The following ST6GALNAC3 variants were observed in gnomAD, a reference collection of about 807,000 sequenced individuals.
ST6GALNAC3 encodes alpha-N-acetylgalactosaminide alpha-2,6-sialyltransferase 3.
A neutral mutation model predicts 32.7 loss-of-function variants in ST6GALNAC3; 25 were observed. The observed-to-expected ratio is 0.76, with a 90% CI of 0.56 to 1.07. The LOEUF is 1.07. ST6GALNAC3 is among the 50% of genes least tolerant of loss of function. ST6GALNAC3 has a pLI of 0.00. For synonymous variants in ST6GALNAC3, 129 were observed against 133.1 expected (o/e 0.97, Z 0.21); for missense variants, 355 against 382.4 (o/e 0.93, Z 0.60).
intron 1 of ST6GALNAC3, among the ~76,000 whole-genome samples, chr1:76,163,106 T>C (rs1251828696): frequency 6.6e-6 from 1 of 152,238 alleles, no homozygotes; most frequent in Non-Finnish European, 1.5e-5. Flanking sequence ...TAAGTCTTTT[T>C]CTCTTTTTAA....
At position 76,201,954 on chromosome 1, in the gene ST6GALNAC3, A is replaced by G. The variant is rs568528805; in HGVS notation, c.19-111851A>G. Reference sequence around the variant, plus strand: ...GCAGATGCATTAGTAAAATTTAACTATCGTAAAGCCTCTGGGAGCATTGAC... The same window carrying G: ...GCAGATGCATTAGTAAAATTTAACTGTCGTAAAGCCTCTGGGAGCATTGAC... On this transcript the variant is annotated intron_variant, in intron 1 of 4. Coordinates refer to ENST00000328299, the MANE Select transcript of ST6GALNAC3 (RefSeq NM_152996.4). Among the ~76,000 whole-genome samples, 37 of 152,274 alleles carry G rather than the reference A, an allele frequency of 2.4e-4. No individual in the cohort carries two copies. In the South Asian group the frequency reaches 7.3e-3, roughly 30 times the overall value.
chr1:76,157,125 A>G (rs568643789), intron 1 of ST6GALNAC3, among the ~76,000 whole-genome samples: 1 of 150,508 alleles, frequency 6.6e-6, no homozygotes, highest in South Asian at 2.1e-4. Flanking sequence ...ATAAGCTCTC[A>G]GCTGACAGCA....
chr1:76,143,421 G>GTGTGTC (rs924959956), intron 1 of ST6GALNAC3, among the ~76,000 whole-genome samples: 1 of 151,784 alleles, frequency 6.6e-6, no homozygotes, highest in Non-Finnish European at 1.5e-5. Context: ...GTGTGTGTGT[G>GTGTGTC]TGTCCGTCTG....
At chr1:76,304,069 CAT>C (rs1351613654) in intron 1 of ST6GALNAC3, among the ~76,000 whole-genome samples, 4 of 151,852 alleles carry the variant, frequency 2.6e-5, no homozygotes, top group African/African-American at 7.2e-5. Flanking sequence ...TATGAAAAAA[CAT>C]ATTTTTATAA....
intron 1 of ST6GALNAC3, among the ~76,000 whole-genome samples, chr1:76,210,402 T>C (rs1655084206): frequency 1.3e-5 from 2 of 152,216 alleles, no homozygotes; most frequent in Admixed American, 1.3e-4. Context: ...AGCAGGTGTT[T>C]CCTGTGGTTG....
chr1:76,612,738 A>G (rs1408643830), intron 3 of ST6GALNAC3, among the ~76,000 whole-genome samples: 2 of 152,224 alleles, frequency 1.3e-5, no homozygotes, highest in Admixed American at 1.3e-4. Context: ...TATTAACAGC[A>G]TGCTAGTTTT....
chr1:76,085,348 G>T (rs557674471), intron 1 of ST6GALNAC3, among the ~76,000 whole-genome samples: 1 of 152,300 alleles, frequency 6.6e-6, no homozygotes, highest in Admixed American at 6.5e-5. Context: ...AGTTCTTTCA[G>T]TGGACTTTAA....
At chr1:76,240,618 G>A (rs1656906888) in intron 1 of ST6GALNAC3, among the ~76,000 whole-genome samples, 1 of 152,176 alleles carries the variant, frequency 6.6e-6, no homozygotes, top group South Asian at 2.1e-4. Context: ...ACCTGGGATG[G>A]GGATGCCCGG....
intron 1 of ST6GALNAC3, among the ~76,000 whole-genome samples, chr1:76,258,257 A>G (rs1238792426): frequency 6.6e-6 from 1 of 152,166 alleles, no homozygotes; most frequent in Non-Finnish European, 1.5e-5. Context: ...ATTTTTTTGA[A>G]GAAGACGTTC....
At chr1:76,100,173 A>G (rs1017898861) in intron 1 of ST6GALNAC3, among the ~76,000 whole-genome samples, 5 of 152,148 alleles carry the variant, frequency 3.3e-5, no homozygotes, top group African/African-American at 1.2e-4. Context: ...ATCCACAATC[A>G]TATCATTTGC....
At chr1:76,502,383 G>T (rs547691285) in intron 3 of ST6GALNAC3, among the ~76,000 whole-genome samples, 1 of 152,212 alleles carries the variant, frequency 6.6e-6, no homozygotes, top group South Asian at 2.1e-4. Flanking sequence ...CCACAAACTG[G>T]GTGCCTGAAA....
chr1:76,363,026 G>T (rs207460232), intron 2 of ST6GALNAC3, among the ~76,000 whole-genome samples: 4 of 152,340 alleles, frequency 2.6e-5, no homozygotes, highest in East Asian at 1.9e-4. Context: ...CCCTGGTAAA[G>T]GTTCTCCATG....
At position 76,302,625 on chromosome 1, in the gene ST6GALNAC3, A is replaced by AGAG. The variant is rs533595199; in HGVS notation, c.19-11180_19-11179insGAG. On this transcript the variant is annotated intron_variant, in intron 1 of 4. Transcript: ENST00000328299. ...AACATTTACTTAGCACTTTCCTTTT[A>AGAG]CCAGGCAGTGCTCTAAGGGCTTTTT... Among the ~76,000 whole-genome samples, 5 of 152,028 alleles carry AGAG rather than the reference A, an allele frequency of 3.3e-5. No homozygotes were observed. In the South Asian group the frequency reaches 1.0e-3, roughly 32 times the overall value.
At chr1:76,191,249 A>G (rs1035243747) in intron 1 of ST6GALNAC3, among the ~76,000 whole-genome samples, 13 of 152,248 alleles carry the variant, frequency 8.5e-5, no homozygotes, top group African/African-American at 3.1e-4. Context: ...TGAAGTAACC[A>G]GACACCAAAA....
chr1:76,311,656 A>G (rs952173198), intron 1 of ST6GALNAC3, among the ~76,000 whole-genome samples: 1 of 152,126 alleles, frequency 6.6e-6, no homozygotes, highest in African/African-American at 2.4e-5. Context: ...TGTATGTGCC[A>G]CATTTTCTTT....
intron 3 of ST6GALNAC3, among the ~76,000 whole-genome samples, chr1:76,499,941 T>C (rs1038274625): frequency 2.6e-5 from 4 of 152,124 alleles, no homozygotes; most frequent in Non-Finnish European, 4.4e-5. Flanking sequence ...ACTGGAATAC[T>C]ATGCGATCCT....
intron 2 of ST6GALNAC3, among the ~76,000 whole-genome samples, chr1:76,364,767 A>G (rs943083266): frequency 1.3e-5 from 2 of 152,174 alleles, no homozygotes; most frequent in African/African-American, 4.8e-5. Context: ...AATGTAAACT[A>G]AAACCACAAT....
chr1:76,101,545 A>G (rs1416437030), intron 1 of ST6GALNAC3, among the ~76,000 whole-genome samples: 1 of 152,060 alleles, frequency 6.6e-6, no homozygotes, highest in Non-Finnish European at 1.5e-5. Flanking sequence ...TTGATCTTTT[A>G]TATTGTATGC....
At chr1:76,586,969 T>C (rs1646971054) in intron 3 of ST6GALNAC3, among the ~76,000 whole-genome samples, 1 of 152,192 alleles carries the variant, frequency 6.6e-6, no homozygotes, top group Non-Finnish European at 1.5e-5. Context: ...TAATAGAATT[T>C]TTGCATTTAC....
Sources: gnomAD v4.1 joint callset for allele counts (sites outside exome capture counted in the v4.1 genomes callset) on GRCh38, gnomAD v4.1.1 for gene constraint, MANE v1.5 for transcripts, NCBI Gene and HGNC (gene_info 2026-07-23, HGNC 2026-07-21) for gene names.